EPHA5: variants seen among roughly 807,000 people sequenced by gnomAD.
EPHA5 encodes ephrin type-A receptor 5.
Under a neutral mutation model 105.0 loss-of-function variants are expected in EPHA5, and 60 were observed. The ratio of observed to expected loss-of-function variants is 0.57; its 90% CI spans 0.46 to 0.71. The LOEUF is 0.71. Among genes scored for constraint, EPHA5 ranks in the 30% least tolerant of loss-of-function variants. The probability of loss-of-function intolerance (pLI) is 0.00; values close to 1 mark genes in which losing one functional copy is unlikely to be tolerated. For synonymous variants in EPHA5, 513 were observed against 449.1 expected (o/e 1.14, Z -1.80); for missense variants, 1,218 against 1,274.7 (o/e 0.96, Z 0.68).
intron 5 of EPHA5, among the ~76,000 whole-genome samples, chr4:65,452,999 T>C (rs1320636253): frequency 1.3e-5 from 2 of 152,214 alleles, no homozygotes; most frequent in African/African-American, 4.8e-5. Context: ...CTTTCTTCAA[T>C]CTTTGTCCAT....
chr4:65,621,401 C>T (rs916552801), intron 2 of EPHA5, among the ~76,000 whole-genome samples: 1 of 152,058 alleles, frequency 6.6e-6, no homozygotes, highest in Non-Finnish European at 1.5e-5. Flanking sequence ...TAATAAGATA[C>T]CCATATTTGA....
At chr4:65,537,623 G>A (rs1736414073) in intron 3 of EPHA5, among the ~76,000 whole-genome samples, 1 of 151,538 alleles carries the variant, frequency 6.6e-6, no homozygotes, top group African/African-American at 2.4e-5. Flanking sequence ...TATATCTAAG[G>A]CCACAAAAGT....
chr4:65,574,679 CATATATAT>C (rs10672968), intron 3 of EPHA5, among the ~76,000 whole-genome samples: 1,117 of 60,516 alleles, frequency 0.018, 12 homozygotes, highest in Non-Finnish European at 0.025. Flanking sequence ...CATATATATA[CATATATAT>C]ACATATATAT....
intron 1 of EPHA5, among the ~76,000 whole-genome samples, chr4:65,661,334 A>T (rs1749541515): frequency 6.6e-6 from 1 of 152,116 alleles, no homozygotes; most frequent in Non-Finnish European, 1.5e-5. Flanking sequence ...TTTGTTTCAC[A>T]AGTTTAAATC....
At chr4:65,452,292 CA>C (rs1727142127) in intron 5 of EPHA5, among the ~76,000 whole-genome samples, 1 of 151,892 alleles carries the variant, frequency 6.6e-6, no homozygotes, top group Non-Finnish European at 1.5e-5. Flanking sequence ...TTTTTAAATG[CA>C]AATAGATTAA....
intron 11 of EPHA5, among the ~76,000 whole-genome samples, chr4:65,354,507 T>C (rs1694792394): frequency 6.6e-6 from 1 of 151,734 alleles, no homozygotes; most frequent in Admixed American, 6.6e-5. Flanking sequence ...TATTTTGAGT[T>C]AAGAAAACAG....
At chr4:65,388,488 T>C (rs565965751) in intron 8 of EPHA5, among the ~76,000 whole-genome samples, 6 of 151,080 alleles carry the variant, frequency 4.0e-5, no homozygotes, top group African/African-American at 1.5e-4. Flanking sequence ...TGTTGTTTCC[T>C]GACTTTTTAA....
At chr4:65,422,584 G>A (rs1724043030) in intron 5 of EPHA5, among the ~76,000 whole-genome samples, 1 of 152,000 alleles carries the variant, frequency 6.6e-6, no homozygotes, top group Admixed American at 6.6e-5. Flanking sequence ...AAGTACCAAG[G>A]AAATCAAGTT....
At chr4:65,574,387 A>G in intron 3 of EPHA5, 1 of 712,570 alleles carries the variant, frequency 1.4e-6, no homozygotes, top group Non-Finnish European at 2.0e-6. Flanking sequence ...ATAATAAAAA[A>G]TAAAAAAATA....
chr4:65,567,944 G>T (rs1323145785), intron 3 of EPHA5, among the ~76,000 whole-genome samples: 1 of 150,740 alleles, frequency 6.6e-6, no homozygotes, highest in Non-Finnish European at 1.5e-5. Context: ...TTTTCTTCAG[G>T]GGCAATAAAT....
chr4:65,491,480 T>G (rs1049045918), intron 4 of EPHA5, among the ~76,000 whole-genome samples: 3 of 152,006 alleles, frequency 2.0e-5, no homozygotes, highest in Admixed American at 6.6e-5. Flanking sequence ...TAGAATAAAT[T>G]TCAACCTCTA....
At chr4:65,444,567 G>C (rs988951849) in intron 5 of EPHA5, among the ~76,000 whole-genome samples, 2 of 152,072 alleles carry the variant, frequency 1.3e-5, no homozygotes, top group African/African-American at 4.8e-5. Context: ...GAAGTGATTG[G>C]CTCAGTCCTG....
At chr4:65,513,131 T>A (rs965260212) in intron 3 of EPHA5, among the ~76,000 whole-genome samples, 3 of 152,194 alleles carry the variant, frequency 2.0e-5, no homozygotes, top group Admixed American at 2.0e-4. Flanking sequence ...ATGATTTATG[T>A]CATATGTGTT....
At chr4:65,647,011 A>G (rs1748165552) in intron 1 of EPHA5, among the ~76,000 whole-genome samples, 1 of 152,112 alleles carries the variant, frequency 6.6e-6, no homozygotes, top group South Asian at 2.1e-4. Context: ...CTAGTAAAAC[A>G]AAAAATCAAA....
intron 2 of EPHA5, among the ~76,000 whole-genome samples, chr4:65,605,402 C>A (rs1386480337): frequency 6.6e-6 from 1 of 152,162 alleles, no homozygotes; most frequent in Non-Finnish European, 1.5e-5. Context: ...GTATCAAGCG[C>A]CTGCTGTTTC....
intron 3 of EPHA5, among the ~76,000 whole-genome samples, chr4:65,507,276 A>C (rs1472684105): frequency 1.3e-5 from 2 of 152,074 alleles, no homozygotes; most frequent in Non-Finnish European, 2.9e-5. Flanking sequence ...GTAGCCTTGT[A>C]GTATAGTTTG....
chr4:65,647,481 A>T (rs929703631), intron 1 of EPHA5, among the ~76,000 whole-genome samples: 26 of 152,222 alleles, frequency 1.7e-4, no homozygotes, highest in Middle Eastern at 6.8e-3. Flanking sequence ...TGCTATAATT[A>T]CAGTAATTAA....
At chr4:65,543,993 A>T (rs1737117945) in intron 3 of EPHA5, among the ~76,000 whole-genome samples, 1 of 152,114 alleles carries the variant, frequency 6.6e-6, no homozygotes, top group Admixed American at 6.6e-5. Flanking sequence ...CTATTTAATA[A>T]ATGTTGCTGG....
chr4:65,530,842 TGGATGTAACA>T (rs1735698975), intron 3 of EPHA5, among the ~76,000 whole-genome samples: 1 of 152,120 alleles, frequency 6.6e-6, no homozygotes, highest in Non-Finnish European at 1.5e-5. Flanking sequence ...ATCTCTATAT[TGGATGTAACA>T]GTGTGTCCAA....
Sources: gnomAD v4.1 joint callset for allele counts (sites outside exome capture counted in the v4.1 genomes callset) on GRCh38, gnomAD v4.1.1 for gene constraint, MANE v1.5 for transcripts, NCBI Gene and HGNC (gene_info 2026-07-23, HGNC 2026-07-21) for gene names.